Variants in YY1 observed in about 807,000 individuals in gnomAD.
YY1 encodes YY1 transcription factor, also known as transcriptional repressor protein YY1.
In YY1, 2 loss-of-function variants were observed where a neutral mutation model predicts 35.6. The ratio of observed to expected loss-of-function variants is 0.06; its 90% CI spans 0.02 to 0.18. YY1 has a LOEUF of 0.18. Ranked by LOEUF, YY1 falls within the 10% of genes least tolerant of loss-of-function variation. The pLI, the probability that YY1 is intolerant of heterozygous loss-of-function variation, is 1.00. For synonymous variants in YY1, 268 were observed against 238.9 expected (o/e 1.12, Z -1.12); for missense variants, 322 against 573.4 (o/e 0.56, Z 4.48).
In YY1 at chr14:100,264,610, A is replaced by G. The variant is rs2139592036; in HGVS notation, c.842+2144A>G. Among the ~76,000 whole-genome samples the G allele has an allele frequency of 2.0e-5, 3 of 152,280 alleles. 1 individual carries two copies. The highest frequency in any genetic ancestry group is 3.4e-3 in the Middle Eastern group (1 of 294). The stretch of plus-strand genomic sequence containing the variant: ...GCCAGGCTGTGCAGACATTTCTCAT[A>G]TGCAGTGGGCAGCTACTGCAGACTT... On this transcript the variant is annotated intron_variant, in intron 2 of 4. Transcript: ENST00000262238.
intron 3 of YY1, 33 bp downstream of exon 3, chr14:100,274,791 A>G: frequency 1.3e-6 from 2 of 1,586,450 alleles, no homozygotes; most frequent in Non-Finnish European, 8.7e-7. Context: ...TGTTCATTAA[A>G]CTGTTGATGA....
intron 1 of YY1, among the ~76,000 whole-genome samples, chr14:100,260,673 G>A (rs1187146054): frequency 7.0e-6 from 1 of 143,640 alleles, no homozygotes; most frequent in Non-Finnish European, 1.5e-5. Flanking sequence ...GGGTATCATT[G>A]TATTAGCCAG....
chr14:100,277,942 A>G lies in YY1; in HGVS notation c.*342A>G, dbSNP rs1242039773. Reference sequence around the variant, plus strand: ...ATGGGACTTCTTTTCACATTCTTATAAATATGAAGCTCACCTGTTGCTTAC... The same window carrying G: ...ATGGGACTTCTTTTCACATTCTTATGAATATGAAGCTCACCTGTTGCTTAC... On this transcript the variant is annotated 3_prime_UTR_variant, in exon 5 of 5. Transcript: ENST00000262238. This position sits in a 1 kb window ranked among gnomAD's most constrained non-coding sequence, Gnocchi z 5.6. 3.7e-6 allele frequency: 1 copy of G among 270,396 alleles called. No individual in the cohort carries two copies. The highest frequency in any genetic ancestry group is 7.1e-6 in the Non-Finnish European group (1 of 140,600). 16.7% of individuals were successfully genotyped at this position (270,396 alleles called of 1,614,324 possible). A position where few individuals can be genotyped will look rare whatever the true frequency, so the allele number is the denominator to read the frequency against.
In YY1 at chr14:100,281,955, T is replaced by C. The variant is rs1215209144; in HGVS notation, c.*4355T>C. ...CCAGAGAGGATCTTTAAGCTGGGAC[T>C]GTACTGAGGCTTGATGGGAAGTATG... On this transcript the variant is annotated 3_prime_UTR_variant, in exon 5 of 5. Transcript: ENST00000262238. 7 of 152,242 alleles carry C rather than the reference T, an allele frequency of 4.6e-5. No homozygotes were observed. Among genetic ancestry groups the C allele is most frequent in the African/African-American group, 1.7e-4 (7 of 41,454 alleles). 9.4% of individuals were successfully genotyped at this position (152,242 alleles called of 1,614,324 possible). A position where few individuals can be genotyped will look rare whatever the true frequency, so the allele number is the denominator to read the frequency against.
intron 1 of YY1, among the ~76,000 whole-genome samples, chr14:100,261,287 C>G (rs552957919): frequency 2.6e-5 from 4 of 152,048 alleles, no homozygotes; most frequent in Non-Finnish European, 4.4e-5. Flanking sequence ...CCTCCCAGTT[C>G]AAGCAATTCT....
intron 1 of YY1, among the ~76,000 whole-genome samples, chr14:100,254,826 G>A (rs1890979164): frequency 6.7e-6 from 1 of 149,046 alleles, no homozygotes; most frequent in Admixed American, 6.7e-5. Flanking sequence ...GGGCTAGAGT[G>A]CAGTGGTGTG....
At chr14:100,244,838 T>C (rs1442692942) in intron 1 of YY1, among the ~76,000 whole-genome samples, 1 of 151,984 alleles carries the variant, frequency 6.6e-6, no homozygotes, top group Non-Finnish European at 1.5e-5. Context: ...GGATTATGGG[T>C]GTGAGCCACT....
intron 1 of YY1, among the ~76,000 whole-genome samples, chr14:100,259,368 C>T (rs111465423): frequency 0.025 from 3,757 of 152,098 alleles, 157 homozygotes; most frequent in East Asian, 0.095. Context: ...AAAATACAAA[C>T]GATTAGCTGG....
chr14:100,254,492 C>T (rs1413517669), intron 1 of YY1, among the ~76,000 whole-genome samples: 8 of 152,098 alleles, frequency 5.3e-5, no homozygotes, highest in Non-Finnish European at 1.0e-4. Flanking sequence ...GAGTCTTACT[C>T]TGTCGCCCAG....
chr14:100,247,871 C>T (rs890884953), intron 1 of YY1, among the ~76,000 whole-genome samples: 1 of 152,164 alleles, frequency 6.6e-6, no homozygotes, highest in African/African-American at 2.4e-5. Context: ...GTTGGGGTAG[C>T]GGTATCCTTA....
In YY1 at chr14:100,259,348, G is replaced by A. The variant is rs145165550; in HGVS notation, c.680-2956G>A. ...ATCCTGGCCAACGTGGTGAAACCCT[G>A]TTTCTACTAAAAATACAAACGATTA... On this transcript the variant is annotated intron_variant, in intron 1 of 4. Transcript: ENST00000262238. 8.6e-3 allele frequency among the ~76,000 whole-genome samples: 1,309 copies of A among 152,212 alleles called. 16 individuals are homozygous for A. The highest frequency in any genetic ancestry group is 0.03 in the African/African-American group (1,248 of 41,538).
At chr14:100,255,625 A>AAAAT (rs1290652976) in intron 1 of YY1, among the ~76,000 whole-genome samples, 8 of 152,332 alleles carry the variant, frequency 5.3e-5, no homozygotes, top group South Asian at 4.1e-4. Context: ...CATCTCAGGA[A>AAAAT]AAATAAATAA....
chr14:100,272,944 GT>G (rs1398123441), intron 2 of YY1, among the ~76,000 whole-genome samples: 1 of 90,464 alleles, frequency 1.1e-5, no homozygotes, highest in Non-Finnish European at 2.1e-5. Flanking sequence ...CCCCCAGCTA[GT>G]TTTTTGTTGT....
rs187303131 is a variant in YY1 at position 100,261,831 on chromosome 14, G to A, written c.680-473G>A. ...GCACCACTGAATTGGTAGTTGCCAG[G>A]AAATGTGTGTGGTGTGAGTGAAAAG... is the stretch of plus-strand genomic sequence containing the variant. On this transcript the variant is annotated intron_variant, in intron 1 of 4. Coordinates refer to ENST00000262238, the MANE Select transcript of YY1 (RefSeq NM_003403.5). Among the ~76,000 whole-genome samples the A allele has an allele frequency of 1.4e-3, 219 of 152,282 alleles. 1 individual carries two copies. The highest frequency in any genetic ancestry group is 2.6e-3 in the Non-Finnish European group (174 of 68,020).
chr14:100,259,940 T>C (rs1350191421), intron 1 of YY1, among the ~76,000 whole-genome samples: 1 of 152,228 alleles, frequency 6.6e-6, no homozygotes, highest in Non-Finnish European at 1.5e-5. Context: ...AGCTATATTT[T>C]CTGTGCCAGT....
intron 1 of YY1, among the ~76,000 whole-genome samples, chr14:100,254,273 A>G (rs1300229490): frequency 3.9e-5 from 6 of 152,186 alleles, no homozygotes; most frequent in African/African-American, 1.4e-4. Context: ...TTTTTGCAAA[A>G]ATTAGCAAAA....
intron 1 of YY1, among the ~76,000 whole-genome samples, chr14:100,248,080 G>T (rs8004498): frequency 0.01 from 1,530 of 150,408 alleles, 29 homozygotes; most frequent in African/African-American, 0.035. Flanking sequence ...GAGTAGCTGG[G>T]ATTACAGGTG....
chr14:100,266,290 C>T (rs1475124311), intron 2 of YY1, among the ~76,000 whole-genome samples: 1 of 152,030 alleles, frequency 6.6e-6, no homozygotes, highest in East Asian at 1.9e-4. Context: ...AGAGTAAAAG[C>T]ATCATTCAGA....
chr14:100,241,075 T>G (rs1166761380), intron 1 of YY1, among the ~76,000 whole-genome samples: 2 of 152,236 alleles, frequency 1.3e-5, no homozygotes, highest in African/African-American at 4.8e-5. Context: ...TGTTTTTACT[T>G]CAAAGGCAAT....
Sources: gnomAD v4.1 joint callset for allele counts (sites outside exome capture counted in the v4.1 genomes callset) on GRCh38, gnomAD v4.1.1 for gene constraint, Gnocchi (gnomAD v3.1) non-coding constraint, MANE v1.5 for transcripts, NCBI Gene and HGNC (gene_info 2026-07-23, HGNC 2026-07-21) for gene names.